Variants in SOCS5 observed in about 807,000 individuals in gnomAD.
The protein encoded by SOCS5 is CIS-6.
A neutral mutation model predicts 42.8 loss-of-function variants in SOCS5; 32 were observed. The observed-to-expected ratio is 0.75, with a 90% CI of 0.56 to 1.01. The LOEUF is 1.01. Among genes scored for constraint, SOCS5 ranks in the 50% least tolerant of loss-of-function variants. The pLI, the probability that SOCS5 is intolerant of heterozygous loss-of-function variation, is 0.00. For missense variants in SOCS5, 627 were observed against 653.0 expected (o/e 0.96, Z 0.43); for synonymous variants, 283 against 229.6 (o/e 1.23, Z -2.10).
intron 1 of SOCS5, among the ~76,000 whole-genome samples, chr2:46,731,704 G>T (rs2103728250): frequency 6.6e-6 from 1 of 152,252 alleles, no homozygotes; most frequent in South Asian, 2.1e-4. Flanking sequence ...ATAATGAGAT[G>T]TATACATTCT....
At chr2:46,751,770 A>G (rs1673627772) in intron 1 of SOCS5, among the ~76,000 whole-genome samples, 2 of 151,970 alleles carry the variant, frequency 1.3e-5, no homozygotes, top group East Asian at 1.9e-4. Flanking sequence ...ACATAATCTT[A>G]AATGTTTTAT....
chr2:46,756,949 T>C (rs1207452348), intron 1 of SOCS5, among the ~76,000 whole-genome samples: 2 of 152,250 alleles, frequency 1.3e-5, no homozygotes, highest in Non-Finnish European at 2.9e-5. Context: ...TAGACTTTAC[T>C]GAGATTTAAC....
chr2:46,743,748 A>G (rs17035560), intron 1 of SOCS5, among the ~76,000 whole-genome samples: 17,083 of 152,092 alleles, frequency 0.11, 1,674 homozygotes, highest in East Asian at 0.43. Context: ...ATGATAATTG[A>G]TTAAGCGTCA....
intron 1 of SOCS5, among the ~76,000 whole-genome samples, chr2:46,739,170 A>G (rs1673315485): frequency 6.6e-6 from 1 of 152,194 alleles, no homozygotes. Context: ...CTTTTTGTTA[A>G]TAGCAAAACA....
At chr2:46,740,053 G>T (rs140761364) in intron 1 of SOCS5, among the ~76,000 whole-genome samples, 1 of 152,234 alleles carries the variant, frequency 6.6e-6, no homozygotes, top group Non-Finnish European at 1.5e-5. Flanking sequence ...TAGGGAACAT[G>T]AGTTATGAAA....
intron 1 of SOCS5, among the ~76,000 whole-genome samples, chr2:46,718,022 G>C (rs79446180): frequency 0.018 from 2,720 of 152,214 alleles, 68 homozygotes; most frequent in African/African-American, 0.057. Flanking sequence ...TAGTTTTGCT[G>C]CTCAAATTCC....
intron 1 of SOCS5, among the ~76,000 whole-genome samples, chr2:46,738,806 A>G (rs1303675524): frequency 6.6e-6 from 1 of 152,182 alleles, no homozygotes; most frequent in Admixed American, 6.5e-5. Context: ...GGTTGGTTAA[A>G]TAGATGAAGT....
Position 46,759,129 on chromosome 2 carries a change from C to G in SOCS5, c.599C>G (p.Pro200Arg), listed in dbSNP as rs560216596. Reference sequence around the variant, plus strand: ...AGAACTTACAGCAAGCAGTCAAAGCCTCTCTTTTCCAATAAAAGAAAAATC... The same window carrying G: ...AGAACTTACAGCAAGCAGTCAAAGCGTCTCTTTTCCAATAAAAGAAAAATC... ...PMRTYSKQSK[P>R]LFSNKRKIHL... The change falls in exon 2 of 2, where the codon CCT becomes CGT. Residue 200 changes from proline to arginine, a missense_variant. Transcript: ENST00000394861. 2 of 1,614,004 alleles carry G rather than the reference C, an allele frequency of 1.2e-6. No homozygotes were observed. The highest frequency in any genetic ancestry group is 1.7e-6 in the Non-Finnish European group (2 of 1,179,862).
intron 1 of SOCS5, among the ~76,000 whole-genome samples, chr2:46,739,896 T>C (rs925491109): frequency 2.6e-5 from 4 of 152,192 alleles, no homozygotes; most frequent in African/African-American, 9.7e-5. Flanking sequence ...TGCTCTACTT[T>C]ATAATATTGA....
chr2:46,721,865 C>T (rs1214935397), intron 1 of SOCS5, among the ~76,000 whole-genome samples: 2 of 151,946 alleles, frequency 1.3e-5, no homozygotes, highest in Non-Finnish European at 2.9e-5. Flanking sequence ...TACTTGATCC[C>T]AGTCCGCATT....
intron 1 of SOCS5, among the ~76,000 whole-genome samples, chr2:46,735,672 C>G (rs1229739672): frequency 2.6e-5 from 4 of 151,938 alleles, no homozygotes; most frequent in Non-Finnish European, 5.9e-5. Flanking sequence ...CATGTTCATA[C>G]TTGTTGAATG....
chr2:46,741,505 T>C (rs1017694959), intron 1 of SOCS5, among the ~76,000 whole-genome samples: 32 of 152,110 alleles, frequency 2.1e-4, no homozygotes, highest in Non-Finnish European at 2.9e-5. Flanking sequence ...ATTTTAAAAA[T>C]ATTGAATCTA....
intron 1 of SOCS5, among the ~76,000 whole-genome samples, chr2:46,727,270 T>A (rs114233238): frequency 0.012 from 1,861 of 149,736 alleles, 32 homozygotes; most frequent in African/African-American, 0.04. Context: ...TGCCTCAGCC[T>A]CCCGAGTAGC....
At position 46,759,816 on chromosome 2, in the gene SOCS5, G is replaced by T; in HGVS notation, c.1286G>T (p.Arg429Leu). Residue 429 changes from arginine to leucine, a missense_variant, in exon 2 of 2, where the codon CGA becomes CTA. Physicochemically the swap from Arg to Leu is moderately radical, Grantham distance 102. This residue lies in a region of SOCS5 where 340 missense variants were observed against 367.6 expected (regional missense o/e 0.92). Transcript: ENST00000394861. ...CGCTACAACAGATCCCTGCATGCCCGAATTGAGCAGTGGAATCACAACTTT... is the reference window on the plus strand; with the variant it reads ...CGCTACAACAGATCCCTGCATGCCCTAATTGAGCAGTGGAATCACAACTTT... ...FRRYNRSLHARIEQWNHNFSF... is the reference protein window; with the variant it reads ...FRRYNRSLHALIEQWNHNFSF... 2 of 1,614,114 alleles carry T rather than the reference G, an allele frequency of 1.2e-6. No homozygotes were observed. Among genetic ancestry groups the T allele is most frequent in the Non-Finnish European group, 8.5e-7 (1 of 1,180,024 alleles).
chr2:46,743,195 A>G lies in SOCS5; in HGVS notation c.-12-15324A>G, dbSNP rs888312737. ...TGTTACAGGAAAGGGGTCCCGATCC[A>G]GACCCCCAAGAGAAAGTTCTTGAGT... On this transcript the variant is annotated intron_variant, in intron 1 of 1. Coordinates refer to ENST00000394861, the MANE Select transcript of SOCS5 (RefSeq NM_144949.3). Among the ~76,000 whole-genome samples, 103 of 152,280 alleles carry G rather than the reference A, an allele frequency of 6.8e-4. 1 individual carries two copies. Among genetic ancestry groups the G allele is most frequent in the African/African-American group, 2.2e-3 (93 of 41,532 alleles).
intron 1 of SOCS5, 143 bp from the exon 2 acceptor site, chr2:46,758,376 A>T (rs1034942068): frequency 3.2e-6 from 2 of 628,994 alleles, no homozygotes; most frequent in Admixed American, 3.1e-5. Context: ...ACACGGCCTC[A>T]TCACTTCAGC....
chr2:46,727,489 T>C lies in SOCS5; in HGVS notation c.-13+28040T>C, dbSNP rs551726422. On this transcript the variant is annotated intron_variant, in intron 1 of 1. Coordinates refer to ENST00000394861, the MANE Select transcript of SOCS5 (RefSeq NM_144949.3). Reference sequence around the variant, plus strand: ...ACTTAAATTCCATGGAGAATGTTGCTATTTGTGTTTTAGCAGTCAGTTGAG... The same window carrying C: ...ACTTAAATTCCATGGAGAATGTTGCCATTTGTGTTTTAGCAGTCAGTTGAG... Among the ~76,000 whole-genome samples, 15 of 152,332 alleles carry C rather than the reference T, an allele frequency of 9.8e-5. 1 individual carries two copies. The South Asian group carries it at 3.1e-3, about 32-fold the overall frequency.
intron 1 of SOCS5, among the ~76,000 whole-genome samples, chr2:46,728,364 A>G (rs1308895853): frequency 3.3e-5 from 5 of 152,174 alleles, no homozygotes; most frequent in Middle Eastern, 3.2e-3. Flanking sequence ...AGCAATGTGT[A>G]CTGTTAAGTA....
intron 1 of SOCS5, among the ~76,000 whole-genome samples, chr2:46,716,443 T>G (rs1000214155): frequency 3.3e-4 from 50 of 149,548 alleles, no homozygotes; most frequent in African/African-American, 1.2e-3. Context: ...GCAGGCAGTT[T>G]ATTTATGGAT....
Sources: gnomAD v4.1 joint callset for allele counts (sites outside exome capture counted in the v4.1 genomes callset) on GRCh38, gnomAD v4.1.1 for gene constraint, gnomAD v4.1.1 regional missense constraint, MANE v1.5 for transcripts, NCBI Gene and HGNC (gene_info 2026-07-23, HGNC 2026-07-21) for gene names.